MID1: variants seen among roughly 807,000 people sequenced by gnomAD.
MID1 encodes midline 1.
A neutral mutation model predicts 40.4 loss-of-function variants in MID1; 7 were observed. The observed-to-expected ratio is 0.17, with a 90% CI of 0.10 to 0.33. The LOEUF is 0.33. Among genes scored for constraint, MID1 ranks in the 10% least tolerant of loss-of-function variants. The pLI is 1.00. For synonymous variants in MID1, 229 were observed against 221.2 expected, an observed-to-expected ratio of 1.04 and a Z score of -0.31; for missense variants, 367 against 558.5, an observed-to-expected ratio of 0.66 and a Z score of 3.46.
intron 1 of MID1, among the ~76,000 whole-genome samples, chrX:10,705,577 A>T (rs1197166600): frequency 8.9e-6 from 1 of 112,299 alleles, no homozygotes; most frequent in Non-Finnish European, 1.9e-5. Context: ...CTTTCTTCTT[A>T]GTAATAATAA....
Position 10,449,452 on chromosome X carries a change from G to C in MID1, c.1920C>G (p.Thr640=). ...DVAFAQPVCP[T]FTVWNKCLTI... ...TCAGACACTTGTTCCACACGGTGAAGGTGGGGCAAACAGGCTGCGCAAATG... is the reference window on the plus strand; with the variant it reads ...TCAGACACTTGTTCCACACGGTGAACGTGGGGCAAACAGGCTGCGCAAATG... The change falls in exon 10 of 10, where the codon ACC becomes ACG. Residue 640 remains threonine (T), a synonymous_variant. Coordinates refer to ENST00000317552, the MANE Select transcript of MID1 (RefSeq NM_000381.4). 8.3e-7 allele frequency: 1 copy of C among 1,212,004 alleles called. No homozygotes were observed. Among genetic ancestry groups the C allele is most frequent in the Middle Eastern group, 2.3e-4 (1 of 4,355 alleles).
chrX:10,488,513 A>G (rs1172566061), intron 4 of MID1, among the ~76,000 whole-genome samples: 1 of 112,167 alleles, frequency 8.9e-6, no homozygotes, highest in Non-Finnish European at 1.9e-5. Flanking sequence ...GGTAGGAAGC[A>G]GTATCTCATT....
intron 2 of MID1, among the ~76,000 whole-genome samples, chrX:10,528,606 A>G (rs1194943126): frequency 8.9e-6 from 1 of 111,888 alleles, no homozygotes; most frequent in African/African-American, 3.3e-5. Flanking sequence ...ATGAAACTTT[A>G]TTTACCAAAA....
At chrX:10,562,213 C>T in intron 2 of MID1, among the ~76,000 whole-genome samples, 1 of 103,531 alleles carries the variant, frequency 9.7e-6, no homozygotes, top group Non-Finnish European at 1.9e-5. Context: ...CACACTGGGG[C>T]CTGTCAGGGT....
At chrX:10,477,256 T>C (rs1399176918) in intron 5 of MID1, among the ~76,000 whole-genome samples, 1 of 112,517 alleles carries the variant, frequency 8.9e-6, no homozygotes, top group Non-Finnish European at 1.9e-5. Flanking sequence ...TCATCCAAAA[T>C]AGATTTTGTT....
At chrX:10,498,157 G>A (rs1407410408) in intron 3 of MID1, among the ~76,000 whole-genome samples, 2 of 112,147 alleles carry the variant, frequency 1.8e-5, no homozygotes, top group Non-Finnish European at 3.8e-5. Context: ...AGGCTGGAGT[G>A]CACTGGTGCC....
chrX:10,529,983 A>T (rs1932917169), intron 2 of MID1, among the ~76,000 whole-genome samples: 1 of 112,165 alleles, frequency 8.9e-6, no homozygotes, highest in Non-Finnish European at 1.9e-5. Context: ...GCTTTGCTAA[A>T]CAACAGAAGT....
intron 1 of MID1, among the ~76,000 whole-genome samples, chrX:10,777,686 A>G (rs181656716): frequency 0.043 from 4,703 of 108,372 alleles, 236 homozygotes; most frequent in African/African-American, 0.15. Context: ...GATTACAGGC[A>G]TGTGCCACCA....
upstream of MID1, among the ~76,000 whole-genome samples, chrX:10,623,993 GA>G (rs748212445): frequency 1.8e-5 from 2 of 110,495 alleles, no homozygotes; most frequent in African/African-American, 3.3e-5. Context: ...TCCCCACTTA[GA>G]AAAAAAAATC....
At chrX:10,554,049 T>C (rs1934028092) in intron 2 of MID1, among the ~76,000 whole-genome samples, 1 of 111,923 alleles carries the variant, frequency 8.9e-6, no homozygotes, top group Non-Finnish European at 1.9e-5. Flanking sequence ...ACTACAGTTA[T>C]GCTTTTGAAT....
At chrX:10,656,528 T>C (rs1479149075) in intron 1 of MID1, among the ~76,000 whole-genome samples, 1 of 111,489 alleles carries the variant, frequency 9.0e-6, no homozygotes, top group Non-Finnish European at 1.9e-5. Flanking sequence ...CAGACTTCAC[T>C]CCCTCCTGCA....
chrX:10,704,059 TTGTACCAA>T (rs769801052), intron 1 of MID1, among the ~76,000 whole-genome samples: 2 of 112,149 alleles, frequency 1.8e-5, no homozygotes, highest in East Asian at 5.6e-4. Context: ...TTATTGCCTA[TTGTACCAA>T]AACCATATGA....
chrX:10,494,122 C>A (rs1931102038), intron 4 of MID1, among the ~76,000 whole-genome samples: 1 of 112,225 alleles, frequency 8.9e-6, no homozygotes, highest in Non-Finnish European at 1.9e-5. Context: ...AGTCCTTGGC[C>A]AGGGAATAAT....
At chrX:10,659,005 T>G (rs938134721) in intron 1 of MID1, among the ~76,000 whole-genome samples, 4 of 112,047 alleles carry the variant, frequency 3.6e-5, no homozygotes, top group African/African-American at 1.3e-4. Context: ...TGCTCACCTT[T>G]CATCACTCAG....
chrX:10,479,855 C>A (rs1930220043), intron 5 of MID1, among the ~76,000 whole-genome samples: 1 of 111,827 alleles, frequency 8.9e-6, no homozygotes, highest in Non-Finnish European at 1.9e-5. Context: ...TGGGTATGTA[C>A]CTAGCAGTAG....
At chrX:10,586,198 G>A (rs1287253624) in intron 1 of MID1, among the ~76,000 whole-genome samples, 1 of 111,713 alleles carries the variant, frequency 9.0e-6, no homozygotes, top group African/African-American at 3.3e-5. Flanking sequence ...TCAGTGACTT[G>A]ATGTATATAC....
At chrX:10,795,789 T>C (rs1046464713) in intron 1 of MID1, among the ~76,000 whole-genome samples, 2 of 112,384 alleles carry the variant, frequency 1.8e-5, no homozygotes, top group African/African-American at 6.5e-5. Context: ...AGCCCTGGCA[T>C]TGGCCTTAGA....
intron 1 of MID1, among the ~76,000 whole-genome samples, chrX:10,759,963 C>A (rs1195768725): frequency 8.9e-6 from 1 of 112,098 alleles, no homozygotes; most frequent in Non-Finnish European, 1.9e-5. Flanking sequence ...CTTCTCCTAG[C>A]GGACTCTCTC....
At chrX:10,567,694 C>A (rs1260558645) in intron 1 of MID1, 91 bp from the exon 2 acceptor site, 17 of 577,869 alleles carry the variant, frequency 2.9e-5, no homozygotes, top group Non-Finnish European at 4.6e-5. Flanking sequence ...TAATTCCAAA[C>A]ACAGGTCATG....
Sources: gnomAD v4.1 joint callset for allele counts (sites outside exome capture counted in the v4.1 genomes callset) on GRCh38, gnomAD v4.1.1 for gene constraint, MANE v1.5 for transcripts, NCBI Gene and HGNC (gene_info 2026-07-23, HGNC 2026-07-21) for gene names.